LILRA5: variants seen among roughly 807,000 people sequenced by gnomAD.
LILRA5 encodes the protein leukocyte immunoglobulin like receptor A5, also known as leukocyte immunoglobulin-like receptor subfamily A member 5.
In LILRA5, 31 loss-of-function variants were observed where a neutral mutation model predicts 36.3. The observed-to-expected ratio is 0.85, with a 90% CI of 0.64 to 1.15. The LOEUF (loss-of-function observed/expected upper bound fraction) is 1.15, where lower values mean the gene tolerates loss of function less well. Ranked by LOEUF, LILRA5 falls within the 50% of genes most tolerant of loss-of-function variation. The pLI is 0.00. For synonymous variants in LILRA5, 144 were observed against 144.8 expected (o/e 0.99, Z 0.04); for missense variants, 348 against 377.4 (o/e 0.92, Z 0.64).
Position 54,307,508 on chromosome 19 carries a change from T to A in LILRA5, c.805A>T (p.Met269Leu), listed in dbSNP as rs1569137459. 1.2e-6 allele frequency: 2 copies of A among 1,614,018 alleles called. No individual in the cohort carries two copies. The highest frequency in any genetic ancestry group is 8.5e-7 in the Non-Finnish European group (1 of 1,179,960). Residue 269 changes from methionine to leucine, a missense_variant, in exon 7 of 7, where the codon ATG becomes TTG. Physicochemically the swap from Met to Leu is conservative, Grantham distance 15 (BLOSUM62 2). Transcript: ENST00000432233. Reference sequence around the variant, plus strand: ...ACCAGGATCAAGCCGGCCATGCCCATGCGGATGAGATTCTCTACTGCGTAA... The same window carrying A: ...ACCAGGATCAAGCCGGCCATGCCCAAGCGGATGAGATTCTCTACTGCGTAA... ...QDYAVENLIR[M>L]GMAGLILVVL...
At position 54,311,558 on chromosome 19, in the gene LILRA5, T is replaced by G. The variant is rs755113953; in HGVS notation, c.568A>C (p.Thr190Pro). 2 of 1,613,546 alleles carry G rather than the reference T, an allele frequency of 1.2e-6. No homozygotes were observed. Among genetic ancestry groups the G allele is most frequent in the Non-Finnish European group, 1.7e-6 (2 of 1,179,898 alleles). ...KLSWTLDSQL[T>P]PSGQFQALFP... Reference sequence around the variant, plus strand: ...AGGGCCTGGAACTGCCCACTGGGGGTCAGCTGTGAGTCCAAGGTCCAGGAG... The same window carrying G: ...AGGGCCTGGAACTGCCCACTGGGGGGCAGCTGTGAGTCCAAGGTCCAGGAG... Residue 190 changes from threonine (T) to proline (P), a missense_variant, in exon 5 of 7, where the codon ACC becomes CCC. By Grantham distance (38) the Thr-to-Pro change is conservative (BLOSUM62 -1). Transcript: ENST00000432233.
intron 5 of LILRA5, chr19:54,310,116 G>C (rs989282305): frequency 1.1e-5 from 2 of 177,868 alleles, no homozygotes; most frequent in African/African-American, 5.0e-5. Context: ...CCGCAGGTGT[G>C]GGTGAGGGGC....
intron 4 of LILRA5, 32 bp from the exon 5 acceptor site, chr19:54,311,748 G>A (rs576387783): frequency 6.2e-7 from 1 of 1,610,286 alleles, no homozygotes; most frequent in African/African-American, 1.3e-5. Flanking sequence ...TGTTAAATGG[G>A]GCTCCCACCT....
At position 54,307,669 on chromosome 19, in the gene LILRA5, T is replaced by TC. The variant is rs779804121; in HGVS notation, c.763+28dup. On this transcript the variant is annotated intron_variant, in intron 6 of 6. Transcript: ENST00000432233. ...ACAGGACCTGACCCTCTGTGCCAGT[T>TC]CCATAACTGAGAGCATCTCCTCACT... 2.5e-6 allele frequency: 4 copies of TC among 1,613,918 alleles called. No individual in the cohort carries two copies. In the African/African-American group the frequency reaches 5.3e-5, roughly 22 times the overall value.
chr19:54,312,483 G>A (rs1601189485), intron 2 of LILRA5, 54 bp downstream of exon 2: 1 of 1,613,774 alleles, frequency 6.2e-7, no homozygotes, highest in Non-Finnish European at 8.5e-7. Context: ...CCTCGTTATG[G>A]GGTGGGGTCC....
chr19:54,312,199 C>G, intron 3 of LILRA5, 51 bp from the exon 4 acceptor site: 1 of 1,610,602 alleles, frequency 6.2e-7, no homozygotes, highest in Non-Finnish European at 8.5e-7. Context: ...CCCTCAGATC[C>G]CAGCTCTCAG....
rs146444616 is a variant in LILRA5, at chr19:54,312,043, C to G, written c.230G>C (p.Arg77Pro). ...CQGTLEAQEY[R>P]LVKEGSPEPW... ...TTCTGGGCTTCCCTCTTTAACCAGACGGTATTCCTGGGCCTCCAGGGTCCC... is the reference window on the plus strand; with the variant it reads ...TTCTGGGCTTCCCTCTTTAACCAGAGGGTATTCCTGGGCCTCCAGGGTCCC... The change falls in exon 4 of 7, where the codon CGT (arginine) becomes CCT (proline). Residue 77 changes from arginine to proline, a missense_variant. Transcript: ENST00000432233. 10 of 1,614,152 alleles carry G rather than the reference C, an allele frequency of 6.2e-6. No homozygotes were observed. The highest frequency in any genetic ancestry group is 2.2e-5 in the East Asian group (1 of 44,872).
At chr19:54,309,166 G>A (rs1375972350) in intron 5 of LILRA5, 1 of 152,016 alleles carries the variant, frequency 6.6e-6, no homozygotes, top group African/African-American at 2.4e-5. Flanking sequence ...ATCTTACTTA[G>A]AAATATAAAT....
intron 5 of LILRA5, chr19:54,310,683 C>T: frequency 6.5e-6 from 2 of 308,898 alleles, no homozygotes; most frequent in South Asian, 5.2e-5. Flanking sequence ...CACTTCCAAG[C>T]TCAGGGGGAA....
intron 5 of LILRA5, 94 bp from the exon 6 acceptor site, chr19:54,307,842 T>C (rs1402456812): frequency 1.9e-6 from 2 of 1,051,214 alleles, no homozygotes; most frequent in African/African-American, 1.6e-5. Flanking sequence ...TAGTTCCCTG[T>C]GCCTCTCAAC....
At chr19:54,312,401 C>T in intron 2 of LILRA5, 31 bp from the exon 3 acceptor site, 1 of 1,614,222 alleles carries the variant, frequency 6.2e-7, no homozygotes, top group Non-Finnish European at 8.5e-7. Context: ...AGAGATTTGC[C>T]TCTGAAGCCT....
intron 5 of LILRA5, chr19:54,308,204 T>A (rs2080919811): frequency 5.8e-6 from 1 of 171,192 alleles, no homozygotes; most frequent in Non-Finnish European, 1.3e-5. Context: ...AACAGCTGCC[T>A]CCCCTTGACG....
intron 5 of LILRA5, chr19:54,310,773 G>T: frequency 3.8e-6 from 1 of 262,552 alleles, no homozygotes; most frequent in Admixed American, 4.6e-5. Flanking sequence ...GAGCAAACCT[G>T]TCATAGCCAA....
chr19:54,312,826 T>A lies in LILRA5; in HGVS notation c.3+191A>T, dbSNP rs1328925354. ...ATTTCAGACAGAAGTGGGGTCTCCC[T>A]TCCCCGGGCCACTGTCTGCCTGATT... On this transcript the variant is annotated intron_variant, in intron 1 of 6. Transcript: ENST00000432233. The A allele has an allele frequency of 4.9e-6, 4 of 809,200 alleles. No homozygotes were observed. The African/African-American group carries it at 6.8e-5, about 14-fold the overall frequency. The allele number at this position is 809,200 out of a possible 1,614,324, so 50.1% of individuals were successfully genotyped here.
chr19:54,310,958 CT>C (rs55912820), intron 5 of LILRA5: 74,476 of 174,246 alleles, frequency 0.43, 14,194 homozygotes, highest in African/African-American at 0.49. Flanking sequence ...TTTTCTTTTT[CT>C]TTTTTTTTTT....
chr19:54,311,654 C>G lies in LILRA5; in HGVS notation c.472G>C (p.Val158Leu), dbSNP rs758851272. Residue 158 changes from valine to leucine, a missense_variant, in exon 5 of 7, where the codon GTG becomes CTG. Val to Leu is a conservative substitution (Grantham distance 32). Transcript: ENST00000432233. ...AGCCGTGAGCCACACTGGAGGGTCA[C>G]GTTCTCTCCTGAGGTCACCACAGGA... ...PSPVVTSGEN[V>L]TLQCGSRLRF... 1 of 1,614,040 alleles carries G rather than the reference C, an allele frequency of 6.2e-7. No homozygotes were observed.
intron 3 of LILRA5, 39 bp from the exon 4 acceptor site, chr19:54,312,187 A>T (rs2081036701): frequency 1.2e-6 from 2 of 1,610,538 alleles, no homozygotes; most frequent in Middle Eastern, 1.7e-4. Context: ...AGACCTCCCC[A>T]CCCCTCAGAT....
chr19:54,311,186 C>G, intron 5 of LILRA5: 1 of 1,226,786 alleles, frequency 8.2e-7, no homozygotes, highest in Non-Finnish European at 1.1e-6. Flanking sequence ...GAACTCCTGA[C>G]ATCAGGTGAT....
chr19:54,307,315 G>A lies in LILRA5; in HGVS notation c.*98C>T. ...AAAGAAATTGCCAGCAGACAGTCCA[G>A]ATGGCATAGGCCTCAGATGGTCTTC... On this transcript the variant is annotated 3_prime_UTR_variant, in exon 7 of 7. Coordinates refer to ENST00000432233, the MANE Select transcript of LILRA5 (RefSeq NM_021250.4). The A allele has an allele frequency of 9.1e-7, 1 of 1,093,998 alleles. No individual in the cohort carries two copies. Among genetic ancestry groups the A allele is most frequent in the Non-Finnish European group, 1.3e-6 (1 of 791,174 alleles). 67.8% of individuals were successfully genotyped at this position (1,093,998 alleles called of 1,614,324 possible).
Sources: allele counts gnomAD v4.1 joint callset, GRCh38; gene constraint gnomAD v4.1.1; transcripts MANE v1.5; gene names NCBI Gene and HGNC (gene_info 2026-07-23, HGNC 2026-07-21).